The following PAK5 variants were observed in gnomAD, a reference collection of about 807,000 sequenced individuals.
PAK5 encodes the protein p21 (RAC1) activated kinase 5, also known as serine/threonine-protein kinase PAK 5.
A neutral mutation model predicts 65.9 loss-of-function variants in PAK5; 16 were observed. The ratio of observed to expected loss-of-function variants is 0.24; its 90% CI spans 0.16 to 0.37. The LOEUF (loss-of-function observed/expected upper bound fraction) is 0.37. Ranked by LOEUF, PAK5 falls within the 10% of genes least tolerant of loss-of-function variation. PAK5 has a pLI of 1.00. For missense variants in PAK5, 785 were observed against 903.9 expected, an observed-to-expected ratio of 0.87 and a Z score of 1.69; for synonymous variants, 371 against 354.9, an observed-to-expected ratio of 1.05 and a Z score of -0.51.
At chr20:9,751,555 A>C (rs1285501821) in intron 1 of PAK5, among the ~76,000 whole-genome samples, 1 of 152,024 alleles carries the variant, frequency 6.6e-6, no homozygotes, top group Non-Finnish European at 1.5e-5. Context: ...CCATTTGGAA[A>C]ACGAGGCTCT....
intron 2 of PAK5, among the ~76,000 whole-genome samples, chr20:9,674,366 A>G (rs1261583646): frequency 6.6e-6 from 1 of 152,176 alleles, no homozygotes; most frequent in Non-Finnish European, 1.5e-5. Flanking sequence ...CCTCAAAAAG[A>G]ACTTGAGACC....
intron 1 of PAK5, among the ~76,000 whole-genome samples, chr20:9,725,034 A>G (rs2048260229): frequency 6.6e-6 from 1 of 152,080 alleles, no homozygotes; most frequent in Admixed American, 6.6e-5. Context: ...CTAACTACAT[A>G]CCCACAAAAA....
At chr20:9,816,247 A>G (rs774850354) in intron 1 of PAK5, among the ~76,000 whole-genome samples, 3 of 152,164 alleles carry the variant, frequency 2.0e-5, no homozygotes, top group Non-Finnish European at 4.4e-5. Context: ...AAATATTAAA[A>G]TTAAATACAG....
At chr20:9,551,331 T>G (rs1226378416) in intron 7 of PAK5, among the ~76,000 whole-genome samples, 2 of 152,206 alleles carry the variant, frequency 1.3e-5, no homozygotes, top group African/African-American at 4.8e-5. Context: ...GCAGTTAGGC[T>G]AAGAGAACTA....
At chr20:9,815,922 G>A (rs1334301887) in intron 1 of PAK5, among the ~76,000 whole-genome samples, 1 of 152,128 alleles carries the variant, frequency 6.6e-6, no homozygotes, top group Non-Finnish European at 1.5e-5. Flanking sequence ...TCATAATGAA[G>A]GTTGCTCTGT....
At chr20:9,641,635 C>T (rs1051110281) in intron 3 of PAK5, among the ~76,000 whole-genome samples, 7 of 151,936 alleles carry the variant, frequency 4.6e-5, no homozygotes, top group East Asian at 3.9e-4. Context: ...CGCTGTGGAG[C>T]AGGGGGTGGT....
Position 9,557,743 on chromosome 20 carries a change from G to C in PAK5, c.1617-9C>G, listed in dbSNP as rs1268885969. ...TCTGTTCTTCATTCATTCTGGAAAG[G>C]AAATAACATTTAAGGAACAAGACAG... On this transcript the variant is annotated splice_polypyrimidine_tract_variant and intron_variant, in intron 6 of 9. Coordinates refer to ENST00000353224, the MANE Select transcript of PAK5 (RefSeq NM_177990.4). The C allele has an allele frequency of 6.2e-7, 1 of 1,609,158 alleles. No homozygotes were observed. The highest frequency in any genetic ancestry group is 8.5e-7 in the Non-Finnish European group (1 of 1,176,426).
chr20:9,797,714 G>A (rs1042439631), intron 1 of PAK5, among the ~76,000 whole-genome samples: 1 of 149,344 alleles, frequency 6.7e-6, no homozygotes, highest in African/African-American at 2.6e-5. Context: ...AAATAAAATG[G>A]GAGAAGGAGA....
intron 2 of PAK5, among the ~76,000 whole-genome samples, chr20:9,651,618 TG>T (rs923335174): frequency 3.9e-5 from 6 of 152,180 alleles, no homozygotes; most frequent in African/African-American, 1.4e-4. Context: ...TTGGTTAAAA[TG>T]GTAAATTTTT....
At chr20:9,729,059 A>C (rs2048306827) in intron 1 of PAK5, among the ~76,000 whole-genome samples, 1 of 152,066 alleles carries the variant, frequency 6.6e-6, no homozygotes, top group Non-Finnish European at 1.5e-5. Flanking sequence ...TGTAGGCCTA[A>C]AATTATTTCA....
At chr20:9,545,856 A>G (rs1384967896) in intron 7 of PAK5, among the ~76,000 whole-genome samples, 2 of 152,114 alleles carry the variant, frequency 1.3e-5, no homozygotes, top group African/African-American at 4.8e-5. Flanking sequence ...GAATGACACC[A>G]ACATCAATCC....
At chr20:9,577,019 A>G (rs1326566525) in intron 4 of PAK5, among the ~76,000 whole-genome samples, 1 of 152,222 alleles carries the variant, frequency 6.6e-6, no homozygotes, top group African/African-American at 2.4e-5. Flanking sequence ...AGTCAAATAC[A>G]TGGCGGCAAT....
At chr20:9,787,676 G>A (rs2049007212) in intron 1 of PAK5, among the ~76,000 whole-genome samples, 1 of 150,842 alleles carries the variant, frequency 6.6e-6, no homozygotes, top group African/African-American at 2.4e-5. Flanking sequence ...CATTTACAGT[G>A]GTGTGCTGGT....
At chr20:9,747,994 G>C (rs1170069560) in intron 1 of PAK5, among the ~76,000 whole-genome samples, 2 of 152,094 alleles carry the variant, frequency 1.3e-5, no homozygotes, top group Admixed American at 1.3e-4. Context: ...AAAGTCCCAG[G>C]ATACAAAATC....
In PAK5 at chr20:9,580,097, CT is replaced by C. The variant is rs760921660; in HGVS notation, c.990+47del. Reference sequence around the variant, plus strand: ...TAAAAAGGTCGTGCCAGCACCACCCCTGTGGAGGTTTTTGCACACGTGAGGG... The same window carrying C: ...TAAAAAGGTCGTGCCAGCACCACCCCGTGGAGGTTTTTGCACACGTGAGGG... On this transcript the variant is annotated intron_variant, in intron 4 of 9. Transcript: ENST00000353224. 28 of 1,500,740 alleles carry C rather than the reference CT, an allele frequency of 1.9e-5. No individual in the cohort carries two copies. In the East Asian group the frequency reaches 4.3e-4, roughly 23 times the overall value. 93.0% of individuals were successfully genotyped at this position (1,500,740 alleles called of 1,614,324 possible).
At chr20:9,694,320 TTGTGTGTG>T (rs35457999) in intron 2 of PAK5, among the ~76,000 whole-genome samples, 17 of 148,718 alleles carry the variant, frequency 1.1e-4, no homozygotes, top group African/African-American at 1.5e-4. Flanking sequence ...GTGTGTGTGT[TTGTGTGTG>T]TGTGTGTGTG....
At chr20:9,748,196 T>C (rs867539554) in intron 1 of PAK5, among the ~76,000 whole-genome samples, 3 of 150,704 alleles carry the variant, frequency 2.0e-5, no homozygotes, top group African/African-American at 4.9e-5. Flanking sequence ...AGGATACAAA[T>C]AAATGGAAGA....
chr20:9,557,803 A>G (rs1603206136), intron 6 of PAK5, 69 bp from the exon 7 acceptor site: 1 of 1,321,796 alleles, frequency 7.6e-7, no homozygotes, highest in East Asian at 2.4e-5. Flanking sequence ...CAAGAGAGGC[A>G]GCTCCCTTGT....
intron 2 of PAK5, among the ~76,000 whole-genome samples, chr20:9,671,759 C>G (rs912200706): frequency 6.6e-6 from 1 of 151,578 alleles, no homozygotes; most frequent in African/African-American, 2.4e-5. Flanking sequence ...AATTGAATGC[C>G]CTTTATTTCC....
Sources: allele counts gnomAD v4.1 joint callset (sites outside exome capture counted in the v4.1 genomes callset), GRCh38; gene constraint gnomAD v4.1.1; transcripts MANE v1.5; gene names NCBI Gene and HGNC (gene_info 2026-07-23, HGNC 2026-07-21).